Variants in NFIX observed in about 807,000 individuals in gnomAD.
The protein encoded by NFIX is nuclear factor I X, also known as nuclear factor 1 X-type.
In NFIX, 2 loss-of-function variants were observed where a neutral mutation model predicts 53.3. The ratio of observed to expected loss-of-function variants is 0.04; its 90% CI spans 0.02 to 0.12. The LOEUF is 0.12. NFIX is among the 10% of genes least tolerant of loss of function. NFIX has a pLI of 1.00. For missense variants in NFIX, 310 were observed against 674.5 expected (o/e 0.46, Z 5.99); for synonymous variants, 244 against 289.0 (o/e 0.84, Z 1.58).
Position 13,026,744 on chromosome 19 carries a change from CTG to C in NFIX, c.559+1216_559+1217del, listed in dbSNP as rs201026735. ...AACCTTTCTCTCTCTCTCTCTCTCT[CTG>C]TGTGTGTGTGTGTGTGTGTGTGTTT... On this transcript the variant is annotated intron_variant, in intron 2 of 10. Transcript: ENST00000592199. 2.1e-3 allele frequency among the ~76,000 whole-genome samples: 319 copies of C among 149,876 alleles called. 1 individual carries two copies. The highest frequency in any genetic ancestry group is 6.3e-3 in the African/African-American group (256 of 40,678).
chr19:13,058,820 A>G (rs973998021), intron 2 of NFIX, among the ~76,000 whole-genome samples: 4 of 152,254 alleles, frequency 2.6e-5, no homozygotes, highest in South Asian at 4.1e-4. Context: ...TCTGGGGGCC[A>G]GACAGGCAAG....
chr19:12,995,922 G>C, intron 1 of NFIX, 58 bp downstream of exon 1: 1 of 809,934 alleles, frequency 1.2e-6, no homozygotes, highest in Non-Finnish European at 1.5e-6. Flanking sequence ...GAGGCCGGCC[G>C]GCGGCGCGGG....
At chr19:13,087,445 C>T (rs1266286417) in intron 8 of NFIX, among the ~76,000 whole-genome samples, 6 of 152,062 alleles carry the variant, frequency 3.9e-5, no homozygotes, top group South Asian at 2.1e-4. Flanking sequence ...CTGCTGGAGC[C>T]GAGGACGAGC....
At chr19:13,092,769 C>G (rs931084720) in intron 10 of NFIX, among the ~76,000 whole-genome samples, 5 of 152,254 alleles carry the variant, frequency 3.3e-5, no homozygotes, top group African/African-American at 1.2e-4. Context: ...ACCCCCGGGC[C>G]TGGGCCAGAA....
chr19:13,023,340 C>T (rs2013066767), intron 1 of NFIX, among the ~76,000 whole-genome samples: 1 of 151,828 alleles, frequency 6.6e-6, no homozygotes, highest in Non-Finnish European at 1.5e-5. Context: ...CTCCCTCCCT[C>T]GCTCCCTCTC....
intron 2 of NFIX, among the ~76,000 whole-genome samples, chr19:13,033,209 G>A (rs975936304): frequency 6.6e-6 from 1 of 152,234 alleles, no homozygotes; most frequent in African/African-American, 2.4e-5. Flanking sequence ...GCATGTTTGA[G>A]TTTAAGGGTT....
At chr19:13,071,908 G>A (rs2052680875) in intron 2 of NFIX, among the ~76,000 whole-genome samples, 1 of 152,198 alleles carries the variant, frequency 6.6e-6, no homozygotes, top group Non-Finnish European at 1.5e-5. Flanking sequence ...CCCAACCCTA[G>A]GGCTGATGTC....
chr19:13,075,679 T>A lies in NFIX; in HGVS notation c.955+8T>A. On this transcript the variant is annotated splice_region_variant and intron_variant, in intron 6 of 10. Transcript: ENST00000592199. ...CCAACGATGTGGATGCAGGTATGGG[T>A]GCGGGGGATCCTGACCCAGAGCAAG... 6.2e-7 allele frequency: 1 copy of A among 1,612,126 alleles called. No homozygotes were observed. The highest frequency in any genetic ancestry group is 1.7e-5 in the Admixed American group (1 of 59,906).
Position 13,081,786 on chromosome 19 carries a change from C to T in NFIX, c.1185C>T (p.His395=), listed in dbSNP as rs752829674. ...THPTIRYHHH[H]GQDSLKEFVQ... is the part of the protein sequence containing the mutation. ...CGACCATCCGCTACCACCACCACCA[C>T]GGGCAGGACTCACTGAAGGAGTTTG... The change falls in exon 8 of 11, where the codon CAC becomes CAT. Residue 395 remains histidine (H), a synonymous_variant. Coordinates refer to ENST00000592199, the MANE Select transcript of NFIX (RefSeq NM_001365902.3). The surrounding 1 kb of genome is among the most constrained non-coding windows in gnomAD (Gnocchi z 4.7). 24 of 1,614,042 alleles carry T rather than the reference C, an allele frequency of 1.5e-5. No homozygotes were observed. The highest frequency in any genetic ancestry group is 2.2e-5 in the East Asian group (1 of 44,884).
At chr19:13,034,544 G>A (rs372064430) in intron 2 of NFIX, among the ~76,000 whole-genome samples, 27 of 152,298 alleles carry the variant, frequency 1.8e-4, no homozygotes, top group Middle Eastern at 3.4e-3. Flanking sequence ...TAGGTGTGAG[G>A]CCAGGCAGGT....
chr19:13,061,611 C>T (rs1308552203), intron 2 of NFIX, among the ~76,000 whole-genome samples: 2 of 152,178 alleles, frequency 1.3e-5, no homozygotes, highest in Non-Finnish European at 2.9e-5. Flanking sequence ...TGAGCCGCGC[C>T]GCTCCCTGAG....
In NFIX at chr19:12,995,849, G is replaced by A; in HGVS notation, c.12G>A (p.Pro4=). Residue 4 remains proline, a synonymous_variant, in exon 1 of 11, where the codon CCG becomes CCA. Transcript: ENST00000592199. MYS[P]YCLTQDEFHP... ...CCGGGCGCCCAGCTATGTACTCCCC[G>A]TACTGCCTCACCCAGGTACCGGCCG... 1.0e-6 allele frequency: 1 copy of A among 983,858 alleles called. No individual in the cohort carries two copies. The highest frequency in any genetic ancestry group is 4.3e-5 in the South Asian group (1 of 23,216). 60.9% of individuals were successfully genotyped at this position (983,858 alleles called of 1,614,324 possible). A position where few individuals can be genotyped will look rare whatever the true frequency, so the allele number is the denominator to read the frequency against.
chr19:13,007,504 C>T (rs2012090646), intron 1 of NFIX, among the ~76,000 whole-genome samples: 1 of 152,214 alleles, frequency 6.6e-6, no homozygotes, highest in Non-Finnish European at 1.5e-5. Flanking sequence ...GGCATCTCTG[C>T]CCAAGCCCAG....
At position 13,023,639 on chromosome 19, in the gene NFIX, T is replaced by C. The variant is rs1277750730; in HGVS notation, c.28-1382T>C. ...AATTTTGCATTTTTTTCTTTTTTTTTTTTTTTAAACTGGAAGAGGATGCAC... is the reference window on the plus strand; with the variant it reads ...AATTTTGCATTTTTTTCTTTTTTTTCTTTTTTAAACTGGAAGAGGATGCAC... On this transcript the variant is annotated intron_variant, in intron 1 of 10. Transcript: ENST00000592199. Among the ~76,000 whole-genome samples the C allele has an allele frequency of 3.2e-5, 4 of 126,668 alleles. No individual in the cohort carries two copies. The East Asian group carries it at 6.1e-4, about 19-fold the overall frequency. The allele number at this position is 126,668 out of a possible 152,430, so 83.1% of individuals were successfully genotyped here. A position where few individuals can be genotyped will look rare whatever the true frequency, so the allele number is the denominator to read the frequency against.
Position 13,045,598 on chromosome 19 carries a change from T to C in NFIX, c.559+20046T>C, listed in dbSNP as rs2014933504. On this transcript the variant is annotated intron_variant, in intron 2 of 10. Transcript: ENST00000592199. This position sits in a 1 kb window ranked among gnomAD's most constrained non-coding sequence, Gnocchi z 4.4. ...TCTAAGAACTCCCTGATGCTGAGTC[T>C]GGAGACCTTGGCCCACGGTGCTCAG... is the stretch of plus-strand genomic sequence containing the variant. Among the ~76,000 whole-genome samples, 1 of 152,162 alleles carries C rather than the reference T, an allele frequency of 6.6e-6. No homozygotes were observed. The highest frequency in any genetic ancestry group is 1.5e-5 in the Non-Finnish European group (1 of 68,022).
intron 2 of NFIX, among the ~76,000 whole-genome samples, chr19:13,056,543 C>T (rs1175871395): frequency 6.6e-6 from 1 of 152,108 alleles, no homozygotes; most frequent in African/African-American, 2.4e-5. Context: ...TGCGTGGAGT[C>T]CCGCCTTCTA....
intron 2 of NFIX, among the ~76,000 whole-genome samples, chr19:13,035,279 G>A (rs2014104576): frequency 6.6e-6 from 1 of 152,214 alleles, no homozygotes; most frequent in Non-Finnish European, 1.5e-5. Context: ...TTTCCGGATA[G>A]CAGAGCCCTG....
At chr19:12,999,006 G>A (rs2011574387) in intron 1 of NFIX, among the ~76,000 whole-genome samples, 2 of 152,052 alleles carry the variant, frequency 1.3e-5, no homozygotes, top group South Asian at 4.2e-4. Flanking sequence ...CCAGACTCAT[G>A]GAGCCCTGAG....
intron 2 of NFIX, among the ~76,000 whole-genome samples, chr19:13,055,607 T>C (rs1054150439): frequency 2.0e-5 from 3 of 152,160 alleles, no homozygotes; most frequent in Non-Finnish European, 4.4e-5. Context: ...CACCCTCCAC[T>C]TGGAGCAGCC....
Sources: allele counts gnomAD v4.1 joint callset (sites outside exome capture counted in the v4.1 genomes callset), GRCh38; gene constraint gnomAD v4.1.1; non-coding constraint Gnocchi (gnomAD v3.1); transcripts MANE v1.5; gene names NCBI Gene and HGNC (gene_info 2026-07-23, HGNC 2026-07-21).